The following CELF2 variants were observed in gnomAD, a reference collection of about 807,000 sequenced individuals.
CELF2 encodes CUGBP Elav-like family member 2.
CELF2 carries 8 observed loss-of-function variants against 62.6 expected under a neutral mutation model. That is an observed-to-expected ratio of 0.13 (90% confidence interval 0.07 to 0.23). The LOEUF is 0.23. CELF2 is among the 10% of genes least tolerant of loss of function. The pLI is 1.00. For synonymous variants in CELF2, 258 were observed against 250.0 expected, an observed-to-expected ratio of 1.03 and a Z score of -0.30; for missense variants, 333 against 671.0, an observed-to-expected ratio of 0.50 and a Z score of 5.56.
intron 1 of CELF2, among the ~76,000 whole-genome samples, chr10:10,861,058 C>T (rs1045642835): frequency 2.0e-5 from 3 of 152,018 alleles, no homozygotes; most frequent in Non-Finnish European, 2.9e-5. Context: ...GTAGATGGGA[C>T]TCCAGGTGTA....
At chr10:10,592,604 C>T in the CELF2 span, among the ~76,000 whole-genome samples, 1 of 152,104 alleles carries the variant, frequency 6.6e-6, no homozygotes, top group African/African-American at 2.4e-5. Flanking sequence ...TAAGATAAGA[C>T]AAATACACAA....
chr10:11,197,094 G>GA (rs1343040139), intron 2 of CELF2, among the ~76,000 whole-genome samples: 1 of 145,724 alleles, frequency 6.9e-6, no homozygotes, highest in African/African-American at 2.5e-5. Context: ...AAGAAAGAAA[G>GA]AAGGGTTCCC....
the CELF2 span, among the ~76,000 whole-genome samples, chr10:10,627,797 T>C: frequency 1.3e-5 from 2 of 152,220 alleles, no homozygotes; most frequent in Non-Finnish European, 2.9e-5. Flanking sequence ...AATGAAACTG[T>C]TTTTCACTTT....
rs186898375 is a variant in CELF2 at position 10,990,223 on chromosome 10, T to A, written c.89+70224T>A. On this transcript the variant is annotated intron_variant, in intron 2 of 13. Coordinates refer to the CELF2 transcript ENST00000636488. The surrounding 1 kb of genome is among the most constrained non-coding windows in gnomAD (Gnocchi z 4.6). ...ATTTGTAAAATGAAATAATATATAA[T>A]CCTTGGAAAATATTTTCAACGTCAT... is the stretch of plus-strand genomic sequence containing the variant. Among the ~76,000 whole-genome samples, 1 of 152,212 alleles carries A rather than the reference T, an allele frequency of 6.6e-6. No individual in the cohort carries two copies. Among genetic ancestry groups the A allele is most frequent in the Admixed American group, 6.5e-5 (1 of 15,280 alleles).
the CELF2 span, among the ~76,000 whole-genome samples, chr10:10,780,556 C>A: frequency 6.6e-6 from 1 of 152,304 alleles, no homozygotes; most frequent in African/African-American, 2.4e-5. Context: ...TCTCAGCTCA[C>A]TGCAACCTCT....
At chr10:11,122,538 G>A (rs1189295992) in intron 1 of CELF2, among the ~76,000 whole-genome samples, 1 of 152,134 alleles carries the variant, frequency 6.6e-6, no homozygotes, top group Non-Finnish European at 1.5e-5. Flanking sequence ...TATTTGTGTT[G>A]ATTCAAAATG....
chr10:10,919,608 T>G (rs931033935), intron 1 of CELF2, among the ~76,000 whole-genome samples: 4 of 152,230 alleles, frequency 2.6e-5, no homozygotes, highest in African/African-American at 9.6e-5. Flanking sequence ...TCATTGGTGC[T>G]TCGTTTAACA....
chr10:10,903,138 G>A (rs2063067580), intron 1 of CELF2, among the ~76,000 whole-genome samples: 1 of 152,162 alleles, frequency 6.6e-6, no homozygotes, highest in Non-Finnish European at 1.5e-5. Flanking sequence ...CACTAAGACT[G>A]GCCCTGACTG....
At chr10:10,923,074 G>A (rs2065071581) in intron 2 of CELF2, 1 of 152,212 alleles carries the variant, frequency 6.6e-6, no homozygotes, top group Admixed American at 6.5e-5. Flanking sequence ...AGCCTGTCAC[G>A]GGGAAAGTAC....
At chr10:10,484,450 G>T in the CELF2 span, among the ~76,000 whole-genome samples, 1 of 147,450 alleles carries the variant, frequency 6.8e-6, no homozygotes, top group African/African-American at 2.5e-5. Flanking sequence ...CCAAGGAGCT[G>T]GAACTACAGG....
At chr10:11,123,546 G>T (rs1162931648) in intron 1 of CELF2, among the ~76,000 whole-genome samples, 2 of 152,138 alleles carry the variant, frequency 1.3e-5, no homozygotes, top group African/African-American at 2.4e-5. Context: ...CACCATGCCC[G>T]GCTGAGGCAA....
the CELF2 span, among the ~76,000 whole-genome samples, chr10:10,499,742 G>T: frequency 6.6e-6 from 1 of 152,168 alleles, no homozygotes; most frequent in African/African-American, 2.4e-5. Flanking sequence ...GCCGGGCGTG[G>T]TGGCATGCGC....
upstream of CELF2, among the ~76,000 whole-genome samples, chr10:10,794,307 A>C (rs1279522827): frequency 6.6e-6 from 1 of 152,178 alleles, no homozygotes; most frequent in African/African-American, 2.4e-5. Flanking sequence ...GAGGAGAGAG[A>C]GAGCTTACTC....
At chr10:10,512,401 C>CTTTTTTTTTTTTTTTTTTTTTT in the CELF2 span, among the ~76,000 whole-genome samples, 1 of 109,148 alleles carries the variant, frequency 9.2e-6, no homozygotes. Context: ...TTTTGGAACG[C>CTTTTTTTTTTTTTTTTTTTTTT]TTTTTTTTTT....
the CELF2 span, among the ~76,000 whole-genome samples, chr10:10,500,515 G>A: frequency 6.6e-6 from 1 of 152,144 alleles, no homozygotes; most frequent in Admixed American, 6.5e-5. Context: ...GTTTTATAAA[G>A]CACAAATTCT....
intron 12 of CELF2, among the ~76,000 whole-genome samples, chr10:11,326,992 T>C (rs1362636670): frequency 6.6e-6 from 1 of 152,138 alleles, no homozygotes; most frequent in African/African-American, 2.4e-5. Flanking sequence ...CTTCTAAAAC[T>C]CTAATCCTAA....
chr10:10,633,637 A>G, the CELF2 span, among the ~76,000 whole-genome samples: 7 of 152,114 alleles, frequency 4.6e-5, no homozygotes, highest in African/African-American at 1.7e-4. Context: ...TGAGTAAAAT[A>G]TCTTTTAAAT....
chr10:11,017,898 G>T lies in CELF2; in HGVS notation c.-192G>T. The T allele has an allele frequency of 2.1e-6, 2 of 968,184 alleles. No homozygotes were observed. Among genetic ancestry groups the T allele is most frequent in the Non-Finnish European group, 2.4e-6 (2 of 816,556 alleles). The allele number at this position is 968,184 out of a possible 1,614,324, so 60.0% of individuals were successfully genotyped here. ...CCCCCGCCCGCCGCACCTGGCGCTC[G>T]GCAGCCGGCCGCCCCGGCGCTGGAT... On this transcript the variant is annotated 5_prime_UTR_variant, in exon 1 of 13. Coordinates refer to ENST00000633077, the MANE Select transcript of CELF2 (RefSeq NM_001326342.2). The surrounding 1 kb of genome is among the most constrained non-coding windows in gnomAD (Gnocchi z 5.5).
chr10:10,733,786 C>A, the CELF2 span, among the ~76,000 whole-genome samples: 2 of 152,148 alleles, frequency 1.3e-5, no homozygotes, highest in African/African-American at 4.8e-5. Context: ...ATTCAATCGT[C>A]TCCCACTGGG....
Sources: gnomAD v4.1 joint callset for allele counts (sites outside exome capture counted in the v4.1 genomes callset) on GRCh38, gnomAD v4.1.1 for gene constraint, Gnocchi (gnomAD v3.1) non-coding constraint, MANE v1.5 for transcripts, NCBI Gene and HGNC (gene_info 2026-07-23, HGNC 2026-07-21) for gene names.